Variants in AGAP3 observed in about 807,000 individuals in gnomAD.
AGAP3 encodes the protein ArfGAP with GTPase domain, ankyrin repeat and PH domain 3, also known as arf-GAP with GTPase, ANK repeat and PH domain-containing protein 3.
AGAP3 carries 24 observed loss-of-function variants against 96.9 expected under a neutral mutation model. The observed-to-expected ratio is 0.25, with a 90% confidence interval of 0.18 to 0.35. The LOEUF is 0.35. Among genes scored for constraint, AGAP3 ranks in the 10% least tolerant of loss-of-function variants. AGAP3 has a pLI of 1.00. For missense variants in AGAP3, 876 were observed against 1,254.2 expected (o/e 0.70, Z 4.55); for synonymous variants, 563 against 536.1 (o/e 1.05, Z -0.69).
intron 10 of AGAP3, among the ~76,000 whole-genome samples, chr7:151,130,321 G>A (rs1037390792): frequency 6.6e-6 from 1 of 152,188 alleles, no homozygotes; most frequent in African/African-American, 2.4e-5. Flanking sequence ...CTGGGTTTTG[G>A]TTTCAGTAGA....
intron 10 of AGAP3, 151 bp from the exon 11 acceptor site, chr7:151,134,249 C>T (rs1383262541): frequency 2.8e-5 from 17 of 617,078 alleles, no homozygotes; most frequent in South Asian, 2.1e-4. Context: ...AATCCAGACT[C>T]GGAGACATTC....
chr7:151,136,099 G>A (rs1800582200), intron 11 of AGAP3: 1 of 152,306 alleles, frequency 6.6e-6, no homozygotes, highest in South Asian at 2.1e-4. Flanking sequence ...GCTCTGCCCG[G>A]AGAGCGGGTC....
intron 2 of AGAP3, 121 bp from the exon 3 acceptor site, chr7:151,116,973 GC>G: frequency 1.3e-6 from 2 of 1,484,414 alleles, no homozygotes. Flanking sequence ...GGCCCTCTCT[GC>G]CCTCTCTCCT....
In AGAP3 at chr7:151,118,613, C is replaced by T; in HGVS notation, c.950C>T (p.Pro317Leu). The change falls in exon 7 of 18, where the codon CCG (proline) becomes CTG (leucine). Residue 317 changes from proline (P) to leucine (L), a missense_variant. Transcript: ENST00000397238. The surrounding 1 kb of genome is among the most constrained non-coding windows in gnomAD (Gnocchi z 6.1). ...SHSAVSAASI[P>L]AVHINQATNG... ...TCGGCCGTGTCCGCCGCCTCCATCC[C>T]GGCCGTGCACATCAACCAGGTTCGG... 1.2e-6 allele frequency: 2 copies of T among 1,613,572 alleles called. No individual in the cohort carries two copies. Among genetic ancestry groups the T allele is most frequent in the Non-Finnish European group, 1.7e-6 (2 of 1,179,980 alleles).
intron 1 of AGAP3, among the ~76,000 whole-genome samples, chr7:151,088,052 G>A (rs1798231428): frequency 6.6e-6 from 1 of 152,264 alleles, no homozygotes; most frequent in Non-Finnish European, 1.5e-5. Context: ...CAGTGGAAAT[G>A]CAGTGAGAGC....
At chr7:151,106,676 C>T (rs1039597049) in intron 1 of AGAP3, among the ~76,000 whole-genome samples, 1 of 152,054 alleles carries the variant, frequency 6.6e-6, no homozygotes, top group Non-Finnish European at 1.5e-5. Context: ...AAAGTTTTGC[C>T]GCGTTGGCCA....
At chr7:151,115,276 T>A (rs1177305059) in intron 1 of AGAP3, 13 of 1,001,788 alleles carry the variant, frequency 1.3e-5, no homozygotes, top group Non-Finnish European at 1.5e-5. Context: ...CGCTGGCCAG[T>A]GCTGCGCGGC....
rs1210436312 is a variant in AGAP3, at chr7:151,108,340, C to T, written c.332-8453C>T. 6.6e-6 allele frequency among the ~76,000 whole-genome samples: 1 copy of T among 152,154 alleles called. No homozygotes were observed. Among genetic ancestry groups the T allele is most frequent in the South Asian group, 2.1e-4 (1 of 4,834 alleles). ...CGGCCTGGTGTCGAAAGGCCATTTT[C>T]GGCTGGAATGACAGCCACTCCCACC... On this transcript the variant is annotated intron_variant, in intron 1 of 17. Transcript: ENST00000397238. The surrounding 1 kb of genome is among the most constrained non-coding windows in gnomAD (Gnocchi z 4.2).
At chr7:151,128,305 G>T in intron 9 of AGAP3, 1 of 450,142 alleles carries the variant, frequency 2.2e-6, no homozygotes. Flanking sequence ...CTCCTGTCGA[G>T]GTGGCTCCAC....
chr7:151,122,294 C>CCTG (rs1799933739), intron 8 of AGAP3, among the ~76,000 whole-genome samples: 2 of 152,190 alleles, frequency 1.3e-5, no homozygotes, highest in African/African-American at 4.8e-5. Context: ...CTTTGCTCTC[C>CCTG]GGCGGCTCTT....
intron 1 of AGAP3, among the ~76,000 whole-genome samples, chr7:151,097,977 A>C (rs1397296918): frequency 2.6e-5 from 4 of 152,240 alleles, no homozygotes; most frequent in Non-Finnish European, 1.5e-5. Flanking sequence ...GCGCCTCCGC[A>C]TGGGACTGGC....
Position 151,120,068 on chromosome 7 carries a change from C to G in AGAP3, c.1051C>G (p.Arg351Gly), listed in dbSNP as rs199519150. 1 of 1,613,902 alleles carries G rather than the reference C, an allele frequency of 6.2e-7. No individual in the cohort carries two copies. Among genetic ancestry groups the G allele is most frequent in the South Asian group, 1.1e-5 (1 of 91,064 alleles). Residue 351 changes from arginine (R) to glycine (G), a missense_variant, in exon 8 of 18, where the codon CGC becomes GGC. By Grantham distance (125) the Arg-to-Gly change is moderately radical (BLOSUM62 -2). Around this residue, in one of 8 missense-constraint regions of AGAP3, gnomAD observed 100 missense variants for 129.4 expected, o/e 0.77. Coordinates refer to ENST00000397238, the MANE Select transcript of AGAP3 (RefSeq NM_031946.7). Reference protein sequence around the residue: ...STPSISQRELRIETIAASSTP... With the variant: ...STPSISQRELGIETIAASSTP... ...CCCCAGCATCAGCCAGCGGGAGCTG[C>G]GCATCGAGACCATCGCTGCCTCCTC...
chr7:151,120,054 G>A lies in AGAP3; in HGVS notation c.1037G>A (p.Ser346Asn). The A allele has an allele frequency of 6.2e-7, 1 of 1,613,860 alleles. No individual in the cohort carries two copies. The highest frequency in any genetic ancestry group is 8.5e-7 in the Non-Finnish European group (1 of 1,179,904). ...SSSVPSTPSI[S>N]QRELRIETIA... Reference sequence around the variant, plus strand: ...TCAGTCCCCTCCACCCCCAGCATCAGCCAGCGGGAGCTGCGCATCGAGACC... The same window carrying A: ...TCAGTCCCCTCCACCCCCAGCATCAACCAGCGGGAGCTGCGCATCGAGACC... The change falls in exon 8 of 18, where the codon AGC becomes AAC. Residue 346 changes from serine to asparagine, a missense_variant. By Grantham distance (46) the Ser-to-Asn change is conservative. This residue lies in a region of AGAP3 where 100 missense variants were observed against 129.4 expected (regional missense o/e 0.77). Coordinates refer to ENST00000397238, the MANE Select transcript of AGAP3 (RefSeq NM_031946.7).
At chr7:151,087,692 C>T (rs1330291905) in intron 1 of AGAP3, among the ~76,000 whole-genome samples, 1 of 152,240 alleles carries the variant, frequency 6.6e-6, no homozygotes, top group African/African-American at 2.4e-5. Context: ...ATCCGCGGCT[C>T]CTCGGTCTGG....
chr7:151,128,382 G>A, intron 9 of AGAP3, 198 bp from the exon 10 acceptor site: 1 of 557,460 alleles, frequency 1.8e-6, no homozygotes, highest in Non-Finnish European at 3.2e-6. Flanking sequence ...GGATGATGGG[G>A]GAGAGCCGAG....
chr7:151,129,746 G>A (rs1378916845), intron 10 of AGAP3, among the ~76,000 whole-genome samples: 6 of 150,864 alleles, frequency 4.0e-5, no homozygotes, highest in Non-Finnish European at 7.4e-5. Flanking sequence ...GAGTCCTTGC[G>A]AGGCAATGAG....
Position 151,142,116 on chromosome 7 carries a change from ATGAC to A in AGAP3, c.1960-42_1960-39del. ...CTGGGGTGGGACTGAAAGGGGCCTC[ATGAC>A]TGACCAACCGCCCCTTGTCTTGTCT... On this transcript the variant is annotated intron_variant, in intron 14 of 17. Coordinates refer to ENST00000397238, the MANE Select transcript of AGAP3 (RefSeq NM_031946.7). The surrounding 1 kb of genome is among the most constrained non-coding windows in gnomAD (Gnocchi z 7.5). 2 of 1,610,220 alleles carry A rather than the reference ATGAC, an allele frequency of 1.2e-6. No homozygotes were observed. Among genetic ancestry groups the A allele is most frequent in the Non-Finnish European group, 1.7e-6 (2 of 1,177,598 alleles).
chr7:151,128,029 G>A (rs1800249495), intron 9 of AGAP3, among the ~76,000 whole-genome samples: 2 of 152,182 alleles, frequency 1.3e-5, no homozygotes, highest in South Asian at 4.1e-4. Flanking sequence ...AGGGAAGGCT[G>A]GGTCTTCCTG....
chr7:151,104,005 C>CG (rs1254722808), intron 1 of AGAP3, among the ~76,000 whole-genome samples: 1 of 152,064 alleles, frequency 6.6e-6, no homozygotes, highest in Non-Finnish European at 1.5e-5. Context: ...AGTGCCGTGG[C>CG]GGGGGCGTGA....
Sources: allele counts gnomAD v4.1 joint callset (sites outside exome capture counted in the v4.1 genomes callset), GRCh38; gene constraint gnomAD v4.1.1; regional missense constraint gnomAD v4.1.1; non-coding constraint Gnocchi (gnomAD v3.1); transcripts MANE v1.5; gene names NCBI Gene and HGNC (gene_info 2026-07-23, HGNC 2026-07-21).